Variants in LMNA observed in about 807,000 individuals in gnomAD.
The protein encoded by LMNA is lamin.
A neutral mutation model predicts 70.4 loss-of-function variants in LMNA; 20 were observed. The observed-to-expected ratio is 0.28, with a 90% CI of 0.20 to 0.41. The LOEUF is 0.41. LMNA is among the 10% of genes least tolerant of loss of function. The pLI, the probability that LMNA is intolerant of heterozygous loss-of-function variation, is 1.00. For synonymous variants in LMNA, 339 were observed against 372.8 expected, an observed-to-expected ratio of 0.91 and a Z score of 1.04; for missense variants, 652 against 917.2, an observed-to-expected ratio of 0.71 and a Z score of 3.73.
chr1:156,119,113 T>C (rs1650024092), intron 1 of LMNA, among the ~76,000 whole-genome samples: 3 of 150,088 alleles, frequency 2.0e-5, no homozygotes. Flanking sequence ...GCCCAGCTAA[T>C]TTTTTTTTTC....
chr1:156,089,601 A>AGAAAG (rs1553259679), intron 2 of LMNA, among the ~76,000 whole-genome samples: 3 of 145,586 alleles, frequency 2.1e-5, no homozygotes, highest in South Asian at 2.2e-4. Flanking sequence ...CTAAAAAAAA[A>AGAAAG]AAAGAAAGAA....
intron 3 of LMNA, among the ~76,000 whole-genome samples, chr1:156,099,631 C>T (rs759533664): frequency 6.6e-6 from 1 of 151,998 alleles, no homozygotes; most frequent in Non-Finnish European, 1.5e-5. Flanking sequence ...CACCGTAATC[C>T]TAGCACTTTA....
At chr1:156,113,841 G>C (rs554865297), upstream of LMNA, among the ~76,000 whole-genome samples, 1 of 152,168 alleles carries the variant, frequency 6.6e-6, no homozygotes, top group Admixed American at 6.5e-5. Flanking sequence ...AAAAAAATAA[G>C]TTGACTGGGT....
chr1:156,097,291 C>G (rs533961263), intron 3 of LMNA, among the ~76,000 whole-genome samples: 1 of 152,194 alleles, frequency 6.6e-6, no homozygotes, highest in Non-Finnish European at 1.5e-5. Context: ...GGGAAGGCTG[C>G]AGAGTGACCT....
intron 3 of LMNA, among the ~76,000 whole-genome samples, chr1:156,102,167 G>A (rs1401252651): frequency 2.0e-5 from 3 of 152,228 alleles, no homozygotes; most frequent in African/African-American, 7.2e-5. Flanking sequence ...CAGCCCAAAG[G>A]GAGGAATGTG....
At chr1:156,117,189 C>T (rs962788402) in intron 1 of LMNA, among the ~76,000 whole-genome samples, 3 of 151,146 alleles carry the variant, frequency 2.0e-5, no homozygotes, top group Non-Finnish European at 4.4e-5. Context: ...CTCGGCCTCC[C>T]AAAGTGCTGG....
chr1:156,138,964 C>A lies in LMNA; in HGVS notation c.1969-116C>A, dbSNP rs1383273553. On this transcript the variant is annotated intron_variant, in intron 11 of 11. Transcript: ENST00000368300. The surrounding 1 kb of genome is among the most constrained non-coding windows in gnomAD (Gnocchi z 5.5). ...TGAGCCCCAGACTGGAGGGCAGGGG[C>A]AGGGCTGGAGTGTGAGGGATGGGGG... The A allele has an allele frequency of 2.2e-6, 3 of 1,346,404 alleles. No individual in the cohort carries two copies. The highest frequency in any genetic ancestry group is 3.2e-6 in the Non-Finnish European group (3 of 940,666). The allele number at this position is 1,346,404 out of a possible 1,614,324, so 83.4% of individuals were successfully genotyped here.
Position 156,138,100 on chromosome 1 carries a change from C to T in LMNA, c.1698+357C>T. ...CCCATTCTTGTTGCATGCATATCCTCTCATTTCCCTCATTTTTCCTGCAAG... is the reference window on the plus strand; with the variant it reads ...CCCATTCTTGTTGCATGCATATCCTTTCATTTCCCTCATTTTTCCTGCAAG... On this transcript the variant is annotated intron_variant, in intron 10 of 11. Coordinates refer to ENST00000368300, the MANE Select transcript of LMNA (RefSeq NM_170707.4). This position sits in a 1 kb window ranked among gnomAD's most constrained non-coding sequence, Gnocchi z 5.5. The T allele has an allele frequency of 1.9e-6, 1 of 520,744 alleles. No homozygotes were observed. Among genetic ancestry groups the T allele is most frequent in the South Asian group, 2.2e-5 (1 of 46,480 alleles). The allele number at this position is 520,744 out of a possible 1,614,324, so 32.3% of individuals were successfully genotyped here. A position where few individuals can be genotyped will look rare whatever the true frequency, so the allele number is the denominator to read the frequency against.
chr1:156,088,436 C>T (rs1648564381), intron 2 of LMNA, among the ~76,000 whole-genome samples: 1 of 152,020 alleles, frequency 6.6e-6, no homozygotes, highest in Admixed American at 6.6e-5. Context: ...ACTTGATCCC[C>T]ACCCTCGGTA....
Position 156,136,732 on chromosome 1 carries a change from T to C in LMNA, c.1381-189T>C. On this transcript the variant is annotated intron_variant, in intron 7 of 11. Transcript: ENST00000368300. This position sits in a 1 kb window ranked among gnomAD's most constrained non-coding sequence, Gnocchi z 6.1. ...GAAGATGAAAGATAAGGTATCCGTG[T>C]GCCTGGTGCTGCGTATGTGTCCACA... The C allele has an allele frequency of 2.9e-6, 2 of 693,064 alleles. No individual in the cohort carries two copies. Among genetic ancestry groups the C allele is most frequent in the East Asian group, 2.7e-5 (1 of 37,068 alleles). 42.9% of individuals were successfully genotyped at this position (693,064 alleles called of 1,614,324 possible).
At chr1:156,111,202 C>G (rs1477471948), upstream of LMNA, among the ~76,000 whole-genome samples, 4 of 151,674 alleles carry the variant, frequency 2.6e-5, no homozygotes, top group Admixed American at 6.6e-5. Context: ...TGTAATCTCA[C>G]ACTTTGGGAG....
rs767732027 is a variant in LMNA at position 156,135,119 on chromosome 1, C to T, written c.811-68C>T. 1 of 1,612,604 alleles carries T rather than the reference C, an allele frequency of 6.2e-7. No individual in the cohort carries two copies. ...AGGACCTGGGGCTGTAGCAGTGATGCCCAACTCAGGCCTGTGCCTCCACCC... is the reference window on the plus strand; with the variant it reads ...AGGACCTGGGGCTGTAGCAGTGATGTCCAACTCAGGCCTGTGCCTCCACCC... On this transcript the variant is annotated intron_variant, in intron 4 of 11. Coordinates refer to ENST00000368300, the MANE Select transcript of LMNA (RefSeq NM_170707.4). The surrounding 1 kb of genome is among the most constrained non-coding windows in gnomAD (Gnocchi z 4.8).
At chr1:156,122,381 A>G (rs1303277306) in intron 1 of LMNA, among the ~76,000 whole-genome samples, 1 of 152,232 alleles carries the variant, frequency 6.6e-6, no homozygotes, top group Non-Finnish European at 1.5e-5. Flanking sequence ...AGTCTTCTAA[A>G]ATACCAAGTT....
At chr1:156,097,952 CGTGT>C (rs113207741) in intron 3 of LMNA, among the ~76,000 whole-genome samples, 4 of 151,018 alleles carry the variant, frequency 2.6e-5, no homozygotes, top group Non-Finnish European at 5.9e-5. Flanking sequence ...TGTGTGCGTG[CGTGT>C]GTGTGTGTGT....
At chr1:156,107,841 C>G (rs958965689) in intron 3 of LMNA, among the ~76,000 whole-genome samples, 2 of 150,674 alleles carry the variant, frequency 1.3e-5, no homozygotes, top group African/African-American at 4.9e-5. Context: ...GAGTCTCACT[C>G]TGTCACCCAG....
In LMNA at chr1:156,138,042, C is replaced by A; in HGVS notation, c.1698+299C>A. 1.7e-6 allele frequency: 1 copy of A among 580,946 alleles called. No individual in the cohort carries two copies. Among genetic ancestry groups the A allele is most frequent in the East Asian group, 3.1e-5 (1 of 32,592 alleles). 36.0% of individuals were successfully genotyped at this position (580,946 alleles called of 1,614,324 possible). ...GTCTTCTGGGAAAGGGAGGGGAGGACAGACGTGGGGCATGCCCGCCCTGCC... is the reference window on the plus strand; with the variant it reads ...GTCTTCTGGGAAAGGGAGGGGAGGAAAGACGTGGGGCATGCCCGCCCTGCC... On this transcript the variant is annotated intron_variant, in intron 10 of 11. Coordinates refer to ENST00000368300, the MANE Select transcript of LMNA (RefSeq NM_170707.4). The surrounding 1 kb of genome is among the most constrained non-coding windows in gnomAD (Gnocchi z 5.5).
At chr1:156,110,482 C>A (rs1649493578), upstream of LMNA, among the ~76,000 whole-genome samples, 2 of 152,220 alleles carry the variant, frequency 1.3e-5, no homozygotes, top group South Asian at 2.1e-4. Flanking sequence ...ATGAAACTAA[C>A]GCTGGAAAAA....
chr1:156,083,214 G>A (rs1274441916), intron 2 of LMNA: 1 of 152,472 alleles, frequency 6.6e-6, no homozygotes, highest in African/African-American at 2.4e-5. Context: ...TCTGCTCGGT[G>A]GAGGGGGTCG....
intron 1 of LMNA, among the ~76,000 whole-genome samples, chr1:156,128,962 C>G (rs1034510512): frequency 6.6e-6 from 1 of 152,236 alleles, no homozygotes; most frequent in Admixed American, 6.5e-5. Context: ...CCCTCCTCCC[C>G]CTGCAGCTGC....
Sources: allele counts gnomAD v4.1 joint callset (sites outside exome capture counted in the v4.1 genomes callset), GRCh38; gene constraint gnomAD v4.1.1; non-coding constraint Gnocchi (gnomAD v3.1); transcripts MANE v1.5; gene names NCBI Gene and HGNC (gene_info 2026-07-23, HGNC 2026-07-21).